SIM2: variants seen among roughly 807,000 people sequenced by gnomAD.
The protein encoded by SIM2 is SIM bHLH transcription factor 2.
Under a neutral mutation model 64.8 loss-of-function variants are expected in SIM2, and 28 were observed. That is an observed-to-expected ratio of 0.43 (90% confidence interval 0.32 to 0.59). The LOEUF (loss-of-function observed/expected upper bound fraction) is 0.59, where lower values mean the gene tolerates loss of function less well. SIM2 is among the 20% of genes least tolerant of loss of function. The pLI is 0.07. For synonymous variants in SIM2, 408 were observed against 391.1 expected (o/e 1.04, Z -0.51); for missense variants, 847 against 871.4 (o/e 0.97, Z 0.35).
At chr21:36,732,147 T>C (rs1471411504) in intron 7 of SIM2, among the ~76,000 whole-genome samples, 1 of 152,204 alleles carries the variant, frequency 6.6e-6, no homozygotes, top group African/African-American at 2.4e-5. Context: ...CCTCCCAAAG[T>C]GCTGGGATTA....
At chr21:36,713,080 A>G (rs971737981) in intron 3 of SIM2, among the ~76,000 whole-genome samples, 1 of 152,184 alleles carries the variant, frequency 6.6e-6, no homozygotes, top group Admixed American at 6.5e-5. Context: ...GGGGAGGGGT[A>G]GATTTATGAG....
In SIM2 at chr21:36,745,918, A is replaced by G. The variant is rs1012271509; in HGVS notation, c.1576+782A>G. 7.8e-7 allele frequency: 1 copy of G among 1,278,276 alleles called. No individual in the cohort carries two copies. The highest frequency in any genetic ancestry group is 1.0e-6 in the Non-Finnish European group (1 of 972,296). The allele number at this position is 1,278,276 out of a possible 1,614,324, so 79.2% of individuals were successfully genotyped here. A position where few individuals can be genotyped will look rare whatever the true frequency, so the allele number is the denominator to read the frequency against. ...GGGAACAGAGGTTTAGCTGCAGGACATGTATTCCCATTGCACCGAGACCTA... is the reference window on the plus strand; with the variant it reads ...GGGAACAGAGGTTTAGCTGCAGGACGTGTATTCCCATTGCACCGAGACCTA... On this transcript the variant is annotated intron_variant, in intron 10 of 10. Transcript: ENST00000290399. The surrounding 1 kb of genome is among the most constrained non-coding windows in gnomAD (Gnocchi z 4.8).
rs868205238 is a variant in SIM2, at chr21:36,747,752, T to G, written c.1664T>G (p.Leu555Arg). The G allele has an allele frequency of 2.1e-4, 252 of 1,193,068 alleles. No individual in the cohort carries two copies. The African/African-American group carries it at 3.8e-3, about 18-fold the overall frequency. The allele number at this position is 1,193,068 out of a possible 1,614,324, so 73.9% of individuals were successfully genotyped here. ...SCGHYREEPALGPAKAARQAA... is the reference protein window; with the variant it reads ...SCGHYREEPARGPAKAARQAA... ...GGCCACTACCGCGAGGAGCCCGCGC[T>G]GGGCCCGGCCAAAGCCGCCCGCCAG... The change falls in exon 11 of 11, where the codon CTG becomes CGG. Residue 555 changes from leucine (L) to arginine (R), a missense_variant. Coordinates refer to ENST00000290399, the MANE Select transcript of SIM2 (RefSeq NM_005069.6). This position sits in a 1 kb window ranked among gnomAD's most constrained non-coding sequence, Gnocchi z 4.5.
chr21:36,702,707 C>T (rs1232702326), intron 1 of SIM2, among the ~76,000 whole-genome samples: 2 of 152,008 alleles, frequency 1.3e-5, no homozygotes, highest in Non-Finnish European at 2.9e-5. Context: ...GAGGATATGG[C>T]TGCGGGGTTG....
chr21:36,740,383 C>G (rs572357792), intron 7 of SIM2, among the ~76,000 whole-genome samples: 96 of 152,294 alleles, frequency 6.3e-4, no homozygotes, highest in African/African-American at 2.1e-3. Flanking sequence ...ATGGATGGAT[C>G]TGCCTTTGAG....
chr21:36,719,962 C>T lies in SIM2; in HGVS notation c.457+33C>T, dbSNP rs538259384. On this transcript the variant is annotated intron_variant, in intron 4 of 10. Transcript: ENST00000290399. ...ATCCAGAGGGAAAAAAAAAAACAGA[C>T]TAAAAGCAAGGCGACATTCTTAAAT... 28 of 1,385,984 alleles carry T rather than the reference C, an allele frequency of 2.0e-5. No individual in the cohort carries two copies. In the South Asian group the frequency reaches 2.9e-4, roughly 14 times the overall value. The allele number at this position is 1,385,984 out of a possible 1,614,324, so 85.9% of individuals were successfully genotyped here.
intron 1 of SIM2, among the ~76,000 whole-genome samples, chr21:36,704,402 C>T (rs761820897): frequency 1.3e-5 from 2 of 152,270 alleles, no homozygotes; most frequent in African/African-American, 4.8e-5. Context: ...TTTTACAACG[C>T]TTTCCCCGTC....
At chr21:36,701,841 C>T (rs1276647214) in intron 1 of SIM2, among the ~76,000 whole-genome samples, 1 of 152,180 alleles carries the variant, frequency 6.6e-6, no homozygotes, top group African/African-American at 2.4e-5. Context: ...TGGGAAGAGC[C>T]GTTCCTTAAC....
intron 7 of SIM2, among the ~76,000 whole-genome samples, chr21:36,735,452 G>T (rs1258905932): frequency 1.3e-5 from 2 of 152,232 alleles, no homozygotes; most frequent in Non-Finnish European, 2.9e-5. Context: ...CTCTCTGGGG[G>T]TCCCTGTTGG....
Position 36,719,859 on chromosome 21 carries a change from T to C in SIM2, c.387T>C (p.His129=), listed in dbSNP as rs147054081. The C allele has an allele frequency of 3.9e-3, 6,298 of 1,612,770 alleles. 28 individuals are homozygous for C. The highest frequency in any genetic ancestry group is 0.011 in the Admixed American group (663 of 59,948). ...LTGNSIYEYI[H]PSDHDEMTAV... is the part of the protein sequence containing the mutation. ...GCAACAGTATTTATGAATACATCCA[T>C]CCTTCTGACCACGATGAGATGACCG... Residue 129 remains histidine, a synonymous_variant, in exon 4 of 11, where the codon CAT becomes CAC. Coordinates refer to ENST00000290399, the MANE Select transcript of SIM2 (RefSeq NM_005069.6).
intron 6 of SIM2, among the ~76,000 whole-genome samples, chr21:36,728,185 G>T (rs543351619): frequency 1.0e-3 from 158 of 152,344 alleles, no homozygotes; most frequent in African/African-American, 3.5e-3. Context: ...GAGGTGGCTG[G>T]AAGGACATCA....
At chr21:36,741,925 G>T in intron 8 of SIM2, 61 bp downstream of exon 8, 1 of 1,436,228 alleles carries the variant, frequency 7.0e-7, no homozygotes. Flanking sequence ...CACATCGGAT[G>T]GCTCCAATAA....
In SIM2 at chr21:36,713,112, C is replaced by A. The variant is rs948668272; in HGVS notation, c.348+490C>A. On this transcript the variant is annotated intron_variant, in intron 3 of 10. Transcript: ENST00000290399. The stretch of plus-strand genomic sequence containing the variant: ...TGAGTGTTCGCATGGAATTCGGGGT[C>A]ATTTTTCCTGACTTTTTCCAGTTCA... 3.3e-5 allele frequency among the ~76,000 whole-genome samples: 5 copies of A among 152,146 alleles called. No homozygotes were observed. In the South Asian group the frequency reaches 8.3e-4, roughly 25 times the overall value.
In SIM2 at chr21:36,726,786, G is replaced by A. The variant is rs1030352190; in HGVS notation, c.743+468G>A. On this transcript the variant is annotated intron_variant, in intron 6 of 10. Coordinates refer to ENST00000290399, the MANE Select transcript of SIM2 (RefSeq NM_005069.6). This position sits in a 1 kb window ranked among gnomAD's most constrained non-coding sequence, Gnocchi z 4.5. ...CAGGCTGGTGTGAAGCCACCACAGG[G>A]CTGAGGCTGGGAGCAGAGACGCTAT... 1.3e-5 allele frequency among the ~76,000 whole-genome samples: 2 copies of A among 152,122 alleles called. No homozygotes were observed. Among genetic ancestry groups the A allele is most frequent in the Non-Finnish European group, 1.5e-5 (1 of 68,036 alleles).
chr21:36,740,350 C>A (rs2089145489), intron 7 of SIM2, among the ~76,000 whole-genome samples: 1 of 152,138 alleles, frequency 6.6e-6, no homozygotes, highest in Non-Finnish European at 1.5e-5. Flanking sequence ...ATGTTTGTTT[C>A]TATTTTAATG....
At chr21:36,722,414 CT>C (rs1439278541) in intron 4 of SIM2, among the ~76,000 whole-genome samples, 2 of 152,170 alleles carry the variant, frequency 1.3e-5, no homozygotes, top group Non-Finnish European at 2.9e-5. Flanking sequence ...CACCAAAGGG[CT>C]GTTTATTTAG....
At chr21:36,719,339 G>A (rs1012217682) in intron 3 of SIM2, among the ~76,000 whole-genome samples, 3 of 152,282 alleles carry the variant, frequency 2.0e-5, no homozygotes, top group Admixed American at 2.0e-4. Flanking sequence ...CCCCTGCCGT[G>A]GACGGCTGGT....
intron 1 of SIM2, 48 bp from the exon 2 acceptor site, chr21:36,709,120 T>C: frequency 6.5e-7 from 1 of 1,529,702 alleles, no homozygotes. Flanking sequence ...CTCCCAGGCA[T>C]CGGGCTGGGC....
At position 36,720,098 on chromosome 21, in the gene SIM2, T is replaced by C. The variant is rs16994405; in HGVS notation, c.457+169T>C. ...AGCACCCACCACGTGGGGATTTGCA[T>C]TGATACCTGTGTCTTTTAAGCCAAT... On this transcript the variant is annotated intron_variant, in intron 4 of 10. Transcript: ENST00000290399. 1.7e-3 allele frequency: 1,040 copies of C among 596,304 alleles called. 11 individuals are homozygous for C. Among genetic ancestry groups the C allele is most frequent in the African/African-American group, 0.017 (918 of 54,012 alleles). The allele number at this position is 596,304 out of a possible 1,614,324, so 36.9% of individuals were successfully genotyped here.
Sources: allele counts gnomAD v4.1 joint callset (sites outside exome capture counted in the v4.1 genomes callset), GRCh38; gene constraint gnomAD v4.1.1; non-coding constraint Gnocchi (gnomAD v3.1); transcripts MANE v1.5; gene names NCBI Gene and HGNC (gene_info 2026-07-23, HGNC 2026-07-21).